The following FBXO21 variants were observed in gnomAD, a reference collection of about 807,000 sequenced individuals.
FBXO21 encodes the protein F-box only protein 21.
In FBXO21, 32 loss-of-function variants were observed where a neutral mutation model predicts 76.6. The observed-to-expected ratio is 0.42, with a 90% CI of 0.32 to 0.56. FBXO21 has a LOEUF of 0.56. Ranked by LOEUF, FBXO21 falls within the 20% of genes least tolerant of loss-of-function variation. FBXO21 has a pLI of 0.16. For synonymous variants in FBXO21, 328 were observed against 311.5 expected (o/e 1.05, Z -0.56); for missense variants, 586 against 797.3 (o/e 0.73, Z 3.19).
rs779238459 is a variant in FBXO21, at chr12:117,146,054, G to A, written c.*33C>T. 6.7e-7 allele frequency: 1 copy of A among 1,503,526 alleles called. No individual in the cohort carries two copies. The highest frequency in any genetic ancestry group is 8.9e-7 in the Non-Finnish European group (1 of 1,120,092). The allele number at this position is 1,503,526 out of a possible 1,614,324, so 93.1% of individuals were successfully genotyped here. A position where few individuals can be genotyped will look rare whatever the true frequency, so the allele number is the denominator to read the frequency against. On this transcript the variant is annotated 3_prime_UTR_variant, in exon 12 of 12. Transcript: ENST00000622495. ...AGTCCCGTTCTCTTGGAAGATAGCA[G>A]CAGCAGCAAAGGTGCAATGTCCTCT...
At chr12:117,165,009 C>T (rs1207270134) in intron 9 of FBXO21, among the ~76,000 whole-genome samples, 1 of 152,192 alleles carries the variant, frequency 6.6e-6, no homozygotes, top group African/African-American at 2.4e-5. Flanking sequence ...TCAAGTGAAA[C>T]AGTGTCAAAA....
chr12:117,147,290 GAAAAAAAA>G (rs144755940), intron 11 of FBXO21, among the ~76,000 whole-genome samples: 1 of 85,082 alleles, frequency 1.2e-5, no homozygotes, highest in Admixed American at 1.4e-4. Context: ...TGAAAAAATG[GAAAAAAAA>G]AAAAAAAAAG....
chr12:117,188,044 A>T lies in FBXO21; in HGVS notation c.375+1183T>A, dbSNP rs567355034. 9.2e-5 allele frequency among the ~76,000 whole-genome samples: 14 copies of T among 152,384 alleles called. No individual in the cohort carries two copies. In the South Asian group the frequency reaches 2.3e-3, roughly 25 times the overall value. On this transcript the variant is annotated intron_variant, in intron 2 of 11. Coordinates refer to ENST00000622495, the MANE Select transcript of FBXO21 (RefSeq NM_015002.3). Reference sequence around the variant, plus strand: ...TCAAAACTTGAAAAGCCTTGAAAACATTTCAAATTATTAACTCCATTAACT... The same window carrying T: ...TCAAAACTTGAAAAGCCTTGAAAACTTTTCAAATTATTAACTCCATTAACT...
chr12:117,146,840 G>C (rs1955776643), intron 11 of FBXO21, among the ~76,000 whole-genome samples: 1 of 152,194 alleles, frequency 6.6e-6, no homozygotes, highest in African/African-American at 2.4e-5. Flanking sequence ...TGAAAGGAAG[G>C]TGGCTTGCAC....
At chr12:117,147,492 G>A (rs1377456190) in intron 11 of FBXO21, among the ~76,000 whole-genome samples, 1 of 149,726 alleles carries the variant, frequency 6.7e-6, no homozygotes, top group East Asian at 2.0e-4. Flanking sequence ...CCAGTTACTT[G>A]GGAGGCTGAG....
At chr12:117,182,451 T>C (rs1956243566) in intron 3 of FBXO21, among the ~76,000 whole-genome samples, 2 of 151,772 alleles carry the variant, frequency 1.3e-5, no homozygotes, top group African/African-American at 2.4e-5. Context: ...ATTGCACCAC[T>C]GTACTCCAGC....
intron 11 of FBXO21, among the ~76,000 whole-genome samples, chr12:117,147,290 GAAAAAAAAAA>G (rs144755940): frequency 2.4e-5 from 2 of 85,080 alleles, no homozygotes; most frequent in African/African-American, 4.8e-5. Context: ...TGAAAAAATG[GAAAAAAAAAA>G]AAAAAAAGAA....
intron 2 of FBXO21, 70 bp from the exon 3 acceptor site, chr12:117,186,641 G>C: frequency 1.0e-6 from 1 of 1,004,256 alleles, no homozygotes; most frequent in Non-Finnish European, 1.5e-6. Flanking sequence ...TCACAAATTT[G>C]AGCTGAAATA....
chr12:117,182,564 C>CTTTTTTT lies in FBXO21; in HGVS notation c.470+3906_470+3912dup, dbSNP rs891529583. On this transcript the variant is annotated intron_variant, in intron 3 of 11. Coordinates refer to ENST00000622495, the MANE Select transcript of FBXO21 (RefSeq NM_015002.3). ...CATTGGGAGGCCACAGCAAGAGGAT[C>CTTTTTTT]TTTTTTTTTTTTTTTTTTTTTTTGG... Among the ~76,000 whole-genome samples, 34 of 83,332 alleles carry CTTTTTTT rather than the reference C, an allele frequency of 4.1e-4. 1 individual carries two copies. Among genetic ancestry groups the CTTTTTTT allele is most frequent in the African/African-American group, 8.4e-4 (17 of 20,188 alleles). The allele number at this position is 83,332 out of a possible 152,430, so 54.7% of individuals were successfully genotyped here.
chr12:117,166,220 T>C (rs12422868), intron 8 of FBXO21, among the ~76,000 whole-genome samples: 356 of 148,092 alleles, frequency 2.4e-3, no homozygotes, highest in Non-Finnish European at 3.8e-3. Flanking sequence ...GAATTCTGAG[T>C]AGGCGGAGCA....
intron 1 of FBXO21, 130 bp from the exon 2 acceptor site, chr12:117,189,492 G>GTT: frequency 1.1e-6 from 1 of 869,782 alleles, no homozygotes; most frequent in Non-Finnish European, 1.8e-6. Context: ...GAGAGACCTA[G>GTT]TTCAAAACCC....
At chr12:117,180,698 T>C (rs1458644375) in intron 3 of FBXO21, among the ~76,000 whole-genome samples, 2 of 152,116 alleles carry the variant, frequency 1.3e-5, no homozygotes, top group African/African-American at 4.8e-5. Flanking sequence ...CGATCTCAGC[T>C]CACTGCAATC....
chr12:117,174,317 A>G lies in FBXO21; in HGVS notation c.764T>C (p.Ile255Thr). Residue 255 changes from isoleucine (I) to threonine (T), a missense_variant, in exon 6 of 12, where the codon ATA becomes ACA. Coordinates refer to ENST00000622495, the MANE Select transcript of FBXO21 (RefSeq NM_015002.3). Reference protein sequence around the residue: ...KAGESSMIMEIELQSQVLDAM... With the variant: ...KAGESSMIMETELQSQVLDAM... ...ATCCAGCACCTGGCTCTGGAGTTCTATTTCCATTATCATGGATGATTCACC... is the reference window on the plus strand; with the variant it reads ...ATCCAGCACCTGGCTCTGGAGTTCTGTTTCCATTATCATGGATGATTCACC... 2 of 1,614,096 alleles carry G rather than the reference A, an allele frequency of 1.2e-6. No homozygotes were observed. The highest frequency in any genetic ancestry group is 1.7e-6 in the Non-Finnish European group (2 of 1,179,978).
chr12:117,174,833 C>T (rs747506240), intron 4 of FBXO21, 36 bp from the exon 5 acceptor site: 12 of 1,600,434 alleles, frequency 7.5e-6, no homozygotes, highest in East Asian at 6.7e-5. Flanking sequence ...TAAATTCTCA[C>T]GTTACCCTTT....
intron 9 of FBXO21, among the ~76,000 whole-genome samples, chr12:117,163,166 T>C (rs1485152099): frequency 1.3e-5 from 2 of 152,226 alleles, no homozygotes; most frequent in Admixed American, 6.5e-5. Context: ...ATGTCAAGAT[T>C]TCCCCCTAAA....
At chr12:117,174,933 C>A (rs948778382) in intron 4 of FBXO21, 136 bp from the exon 5 acceptor site, 1 of 696,602 alleles carries the variant, frequency 1.4e-6, no homozygotes, top group Non-Finnish European at 2.3e-6. Flanking sequence ...TGGCCATGGA[C>A]CTTGCTGCTA....
chr12:117,181,599 G>GAGTCTA (rs1555242787), intron 3 of FBXO21, among the ~76,000 whole-genome samples: 27,019 of 145,422 alleles, frequency 0.19, 2,602 homozygotes, highest in Admixed American at 0.29. Flanking sequence ...ATCTGAGACA[G>GAGTCTA]TCTATCTATC....
At chr12:117,161,294 G>C (rs1955973734) in intron 9 of FBXO21, among the ~76,000 whole-genome samples, 1 of 152,142 alleles carries the variant, frequency 6.6e-6, no homozygotes, top group Non-Finnish European at 1.5e-5. Context: ...ACTGAAGCAA[G>C]ACAGTGCAGG....
At chr12:117,189,993 C>T (rs1956327927) in intron 1 of FBXO21, among the ~76,000 whole-genome samples, 1 of 152,116 alleles carries the variant, frequency 6.6e-6, no homozygotes, top group Admixed American at 6.5e-5. Context: ...ACGGAGGACC[C>T]GGCTGCGAGG....
Sources: gnomAD v4.1 joint callset for allele counts (sites outside exome capture counted in the v4.1 genomes callset) on GRCh38, gnomAD v4.1.1 for gene constraint, MANE v1.5 for transcripts, NCBI Gene and HGNC (gene_info 2026-07-23, HGNC 2026-07-21) for gene names.